Variants in CTTN observed in about 807,000 individuals in gnomAD.
The protein encoded by CTTN is src substrate cortactin.
Under a neutral mutation model 84.0 loss-of-function variants are expected in CTTN, and 28 were observed. The observed-to-expected ratio is 0.33, with a 90% CI of 0.25 to 0.46. The LOEUF (loss-of-function observed/expected upper bound fraction) is 0.46. Among genes scored for constraint, CTTN ranks in the 20% least tolerant of loss-of-function variants. The pLI is 1.00. For synonymous variants in CTTN, 301 were observed against 288.8 expected (o/e 1.04, Z -0.43); for missense variants, 641 against 723.8 (o/e 0.89, Z 1.31).
In CTTN at chr11:70,415,725, G is replaced by A. The variant is rs539889658; in HGVS notation, c.457+8G>A. 59 of 1,614,034 alleles carry A rather than the reference G, an allele frequency of 3.7e-5. No homozygotes were observed. The highest frequency in any genetic ancestry group is 1.6e-4 in the South Asian group (15 of 91,082). On this transcript the variant is annotated splice_region_variant and intron_variant, in intron 7 of 17. Transcript: ENST00000301843. ...AGCATGCCTCCCAGAAAGGTAAGAC[G>A]CGAAAGGTGCAGAAAGAGCCCGCTC...
At position 70,421,748 on chromosome 11, in the gene CTTN, C is replaced by G. The variant is rs574237808; in HGVS notation, c.901+168C>G. The stretch of plus-strand genomic sequence containing the variant: ...TAAACCCATTTCTAGTAGAGCGACA[C>G]TGATTTTGAGTGGTTCACTTTCTTC... On this transcript the variant is annotated intron_variant, in intron 11 of 17. Transcript: ENST00000301843. 9.2e-5 allele frequency: 56 copies of G among 610,464 alleles called. No individual in the cohort carries two copies. The East Asian group carries it at 1.5e-3, about 17-fold the overall frequency. The allele number at this position is 610,464 out of a possible 1,614,324, so 37.8% of individuals were successfully genotyped here.
chr11:70,420,155 G>A lies in CTTN; in HGVS notation c.680-245G>A, dbSNP rs919446380. 6 of 597,096 alleles carry A rather than the reference G, an allele frequency of 1.0e-5. No homozygotes were observed. The South Asian group carries it at 1.0e-4, about 10-fold the overall frequency. The allele number at this position is 597,096 out of a possible 1,614,324, so 37.0% of individuals were successfully genotyped here. A position where few individuals can be genotyped will look rare whatever the true frequency, so the allele number is the denominator to read the frequency against. On this transcript the variant is annotated intron_variant, in intron 9 of 17. Transcript: ENST00000301843. Reference sequence around the variant, plus strand: ...CTCATGGTGCGGGTGGAAGCCGCATGCGTGGGAGCTTCCATGGGGTCCTGT... The same window carrying A: ...CTCATGGTGCGGGTGGAAGCCGCATACGTGGGAGCTTCCATGGGGTCCTGT...
At chr11:70,431,789 C>T (rs1354006118) in intron 15 of CTTN, among the ~76,000 whole-genome samples, 5 of 152,088 alleles carry the variant, frequency 3.3e-5, no homozygotes. Flanking sequence ...TGCTGACCCC[C>T]TCTCATGGGT....
At position 70,417,192 on chromosome 11, in the gene CTTN, T is replaced by G; in HGVS notation, c.568+69T>G. ...AACACCCACGAGGGCATTTTCTCTC[T>G]GCACACGTGATTGTTGTAGATTTTT... On this transcript the variant is annotated intron_variant, in intron 8 of 17. Coordinates refer to ENST00000301843, the MANE Select transcript of CTTN (RefSeq NM_005231.4). 3 of 1,127,786 alleles carry G rather than the reference T, an allele frequency of 2.7e-6. No individual in the cohort carries two copies. The South Asian group carries it at 3.7e-5, about 14-fold the overall frequency. 69.9% of individuals were successfully genotyped at this position (1,127,786 alleles called of 1,614,324 possible).
intron 11 of CTTN, 133 bp from the exon 12 acceptor site, chr11:70,422,807 G>T (rs963683289): frequency 2.0e-6 from 3 of 1,516,102 alleles, no homozygotes; most frequent in Non-Finnish European, 2.7e-6. Flanking sequence ...GTGAAGCCTC[G>T]CTTGGCCATT....
At chr11:70,430,451 A>G (rs1200149240) in intron 14 of CTTN, among the ~76,000 whole-genome samples, 1 of 151,944 alleles carries the variant, frequency 6.6e-6, no homozygotes, top group Non-Finnish European at 1.5e-5. Context: ...CTGTCTTCCC[A>G]TCTCCAGCCT....
chr11:70,428,393 T>A (rs2058321752), intron 13 of CTTN, among the ~76,000 whole-genome samples: 2 of 152,092 alleles, frequency 1.3e-5, no homozygotes, highest in African/African-American at 2.4e-5. Context: ...CTTGATCTCT[T>A]GACCTCGTGA....
chr11:70,415,798 G>A (rs374608802), intron 7 of CTTN, 81 bp downstream of exon 7: 33 of 1,382,152 alleles, frequency 2.4e-5, no homozygotes, highest in African/African-American at 7.2e-5. Flanking sequence ...CCGTTTCCCC[G>A]CGCTCCGGGG....
At position 70,433,699 on chromosome 11, in the gene CTTN, C is replaced by T; in HGVS notation, c.1497C>T (p.Ala499=). 2.5e-6 allele frequency: 4 copies of T among 1,613,794 alleles called. No individual in the cohort carries two copies. The highest frequency in any genetic ancestry group is 3.4e-6 in the Non-Finnish European group (4 of 1,179,718). The change falls in exon 17 of 18, where the codon GCC becomes GCT. Residue 499 remains alanine (A), a synonymous_variant. Transcript: ENST00000301843. ...YENDLGITAV[A]LYDYQAAGDD... ...ACGATCTGGGGATCACAGCCGTCGCCCTGTACGACTACCAGGCTGGTGAGC... is the reference window on the plus strand; with the variant it reads ...ACGATCTGGGGATCACAGCCGTCGCTCTGTACGACTACCAGGCTGGTGAGC...
In CTTN at chr11:70,425,373, C is replaced by T; in HGVS notation, c.999C>T (p.Ala333=). ...TFEDVTQVSS[A]YQKTVPVEAV... is the part of the protein sequence containing the mutation. ...AGGATGTCACCCAGGTGTCCTCTGC[C>T]TACCAGAAGACAGTACCTGTCGAAG... The change falls in exon 13 of 18, where the codon GCC becomes GCT. Residue 333 remains alanine, a synonymous_variant. Coordinates refer to ENST00000301843, the MANE Select transcript of CTTN (RefSeq NM_005231.4). 2 of 1,612,700 alleles carry T rather than the reference C, an allele frequency of 1.2e-6. No individual in the cohort carries two copies. Among genetic ancestry groups the T allele is most frequent in the Non-Finnish European group, 1.7e-6 (2 of 1,179,434 alleles).
In CTTN at chr11:70,407,509, T is replaced by C; in HGVS notation, c.88-9T>C. 6.2e-7 allele frequency: 1 copy of C among 1,614,120 alleles called. No individual in the cohort carries two copies. The highest frequency in any genetic ancestry group is 8.5e-7 in the Non-Finnish European group (1 of 1,180,018). On this transcript the variant is annotated splice_polypyrimidine_tract_variant and intron_variant, in intron 3 of 17. Transcript: ENST00000301843. ...GGCTGTGAGATTTACTGGTCGCTTT[T>C]CTTTTCAGAATGATGTGAGTGAGAA...
intron 13 of CTTN, 39 bp downstream of exon 13, chr11:70,425,440 C>T (rs1457486831): frequency 6.6e-7 from 1 of 1,515,140 alleles, no homozygotes; most frequent in Non-Finnish European, 9.1e-7. Flanking sequence ...GTGTGGTTTC[C>T]CAGGAAAACA....
intron 8 of CTTN, 131 bp from the exon 9 acceptor site, chr11:70,419,615 C>T (rs1403650099): frequency 2.0e-5 from 14 of 683,488 alleles, no homozygotes; most frequent in Admixed American, 3.0e-5. Context: ...CCTTTAAATA[C>T]TGTCTGTATT....
chr11:70,435,489 G>C lies in CTTN; in HGVS notation c.*327G>C. On this transcript the variant is annotated 3_prime_UTR_variant, in exon 18 of 18. Transcript: ENST00000301843. ...AGCTTCAGGGAGCTCGCATTCTCTT[G>C]TGTTCGTGTTGCCCTCGTGCCCATC... 6.4e-7 allele frequency: 1 copy of C among 1,553,642 alleles called. No homozygotes were observed. Among genetic ancestry groups the C allele is most frequent in the Non-Finnish European group, 8.6e-7 (1 of 1,156,756 alleles).
intron 6 of CTTN, 57 bp downstream of exon 6, chr11:70,414,709 A>G: frequency 7.5e-7 from 1 of 1,329,648 alleles, no homozygotes; most frequent in South Asian, 1.2e-5. Context: ...CGTTCCCCGT[A>G]GATCTGAGCC....
chr11:70,435,428 T>C lies in CTTN; in HGVS notation c.*266T>C. 1 of 1,507,744 alleles carries C rather than the reference T, an allele frequency of 6.6e-7. No individual in the cohort carries two copies. The highest frequency in any genetic ancestry group is 8.8e-7 in the Non-Finnish European group (1 of 1,139,662). 93.4% of individuals were successfully genotyped at this position (1,507,744 alleles called of 1,614,324 possible). On this transcript the variant is annotated 3_prime_UTR_variant, in exon 18 of 18. Coordinates refer to ENST00000301843, the MANE Select transcript of CTTN (RefSeq NM_005231.4). ...AATTGGTTTTATGCATTGATGGTTT[T>C]TTTTTTCTTTTTTGCCAAATTGACT...
chr11:70,420,489 C>G lies in CTTN; in HGVS notation c.769C>G (p.Gln257Glu). Residue 257 changes from glutamine to glutamate, a missense_variant, in exon 10 of 18, where the codon CAG (glutamine) becomes GAG (glutamate). This residue lies in a region of CTTN where 284 missense variants were observed against 348.4 expected (regional missense o/e 0.82). Transcript: ENST00000301843. Reference sequence around the variant, plus strand: ...TGGCTGGGATCACCAGGAGAAATTGCAGCTGCATGAATCCCAAAAAGGTAC... The same window carrying G: ...TGGCTGGGATCACCAGGAGAAATTGGAGCTGCATGAATCCCAAAAAGGTAC... ...ALGWDHQEKL[Q>E]LHESQKDYKT... is the part of the protein sequence containing the mutation. The G allele has an allele frequency of 6.2e-7, 1 of 1,613,818 alleles. No individual in the cohort carries two copies. The highest frequency in any genetic ancestry group is 1.7e-5 in the Admixed American group (1 of 60,020).
chr11:70,431,077 A>T, intron 14 of CTTN, 114 bp from the exon 15 acceptor site: 1 of 1,099,232 alleles, frequency 9.1e-7, no homozygotes, highest in African/African-American at 1.5e-5. Flanking sequence ...GGTGTTTTCC[A>T]CTCCTTTCCC....
In CTTN at chr11:70,435,731, G is replaced by T. The variant is rs921874654; in HGVS notation, c.*569G>T. ...AATCTGCCTATGTCATACCGTGACA[G>T]CCCGCAGGATCAGGTGACTTCTAGC... On this transcript the variant is annotated 3_prime_UTR_variant, in exon 18 of 18. Transcript: ENST00000301843. The T allele has an allele frequency of 6.3e-7, 1 of 1,597,870 alleles. No homozygotes were observed. Among genetic ancestry groups the T allele is most frequent in the South Asian group, 1.1e-5 (1 of 90,906 alleles).
Sources: gnomAD v4.1 joint callset for allele counts (sites outside exome capture counted in the v4.1 genomes callset) on GRCh38, gnomAD v4.1.1 for gene constraint, gnomAD v4.1.1 regional missense constraint, MANE v1.5 for transcripts, NCBI Gene and HGNC (gene_info 2026-07-23, HGNC 2026-07-21) for gene names.